ATP2B2: variants seen among roughly 807,000 people sequenced by gnomAD.
ATP2B2 encodes the protein ATPase plasma membrane Ca2+ transporting 2.
ATP2B2 carries 15 observed loss-of-function variants against 120.0 expected under a neutral mutation model. That is an observed-to-expected ratio of 0.12 (90% CI 0.08 to 0.19). The LOEUF is 0.19. ATP2B2 is among the 10% of genes least tolerant of loss of function. ATP2B2 has a pLI of 1.00. For synonymous variants in ATP2B2, 694 were observed against 700.3 expected, an observed-to-expected ratio of 0.99 and a Z score of 0.14; for missense variants, 1,045 against 1,719.8, an observed-to-expected ratio of 0.61 and a Z score of 6.94.
intron 2 of ATP2B2, among the ~76,000 whole-genome samples, chr3:10,425,868 A>G (rs754964987): frequency 6.6e-6 from 1 of 152,154 alleles, no homozygotes; most frequent in African/African-American, 2.4e-5. Flanking sequence ...CCAGAGGGAC[A>G]TTTCAAATGT....
intron 1 of ATP2B2, among the ~76,000 whole-genome samples, chr3:10,647,201 C>G (rs139251694): frequency 1.6e-3 from 250 of 152,118 alleles, no homozygotes; most frequent in African/African-American, 5.6e-3. Flanking sequence ...TAGGTGAAGA[C>G]AAGAAGGCAT....
intron 1 of ATP2B2, among the ~76,000 whole-genome samples, chr3:10,693,102 C>T (rs1489987563): frequency 2.0e-5 from 3 of 152,222 alleles, no homozygotes; most frequent in Non-Finnish European, 4.4e-5. Context: ...GCCTGACACA[C>T]TGTATCGCAA....
intron 2 of ATP2B2, among the ~76,000 whole-genome samples, chr3:10,547,086 G>T (rs560411255): frequency 6.6e-6 from 1 of 152,150 alleles, no homozygotes; most frequent in African/African-American, 2.4e-5. Context: ...TGTGCCCTCC[G>T]AGACTTTACT....
chr3:10,365,740 G>A (rs1222172147), intron 12 of ATP2B2, among the ~76,000 whole-genome samples: 1 of 6,922 alleles, frequency 1.4e-4, no homozygotes, highest in African/African-American at 5.6e-4. Flanking sequence ...GGTGCATGGT[G>A]TGCGTTTGTG....
intron 1 of ATP2B2, among the ~76,000 whole-genome samples, chr3:10,620,699 T>C (rs1370983196): frequency 2.0e-5 from 3 of 152,156 alleles, no homozygotes; most frequent in Admixed American, 6.5e-5. Flanking sequence ...ACCCTGACCC[T>C]GAGGGAGGGA....
chr3:10,649,073 A>C lies in ATP2B2; in HGVS notation c.-459-29112T>G, dbSNP rs554560251. On this transcript the variant is annotated intron_variant, in intron 1 of 21. Transcript: ENST00000646379. ...GCCACTAGCCACATGTGGCCATTTA[A>C]ATTTTTTTATTATTATTATTTATAG... 6.6e-5 allele frequency among the ~76,000 whole-genome samples: 10 copies of C among 152,168 alleles called. No individual in the cohort carries two copies. In the East Asian group the frequency reaches 1.9e-3, roughly 29 times the overall value.
chr3:10,459,713 C>G lies in ATP2B2; in HGVS notation c.-319-9851G>C, dbSNP rs17032917. On this transcript the variant is annotated intron_variant, in intron 1 of 22. Coordinates refer to ENST00000360273, the MANE Select transcript of ATP2B2 (RefSeq NM_001001331.4). ...TTGGAAGAAGAACAAAAAATGATAA[C>G]AGCAACACCAACATCATTCCTGCTA... 2.1e-3 allele frequency among the ~76,000 whole-genome samples: 320 copies of G among 152,388 alleles called. 6 individuals are homozygous for G. In the South Asian group the frequency reaches 0.041, roughly 20 times the overall value.
intron 7 of ATP2B2, 108 bp downstream of exon 7, chr3:10,386,372 C>A: frequency 1.6e-6 from 2 of 1,274,084 alleles, no homozygotes; most frequent in Non-Finnish European, 2.3e-6. Flanking sequence ...CACCCACAGG[C>A]ATGTGGCCTC....
intron 1 of ATP2B2, among the ~76,000 whole-genome samples, chr3:10,503,641 G>A (rs2066483411): frequency 6.6e-6 from 1 of 152,250 alleles, no homozygotes; most frequent in Non-Finnish European, 1.5e-5. Flanking sequence ...CTGTGTGCCT[G>A]TGGCCGTCTT....
intron 1 of ATP2B2, among the ~76,000 whole-genome samples, chr3:10,500,945 C>A (rs1175748020): frequency 6.6e-6 from 1 of 152,240 alleles, no homozygotes; most frequent in African/African-American, 2.4e-5. Context: ...GGGGCAGGAT[C>A]ACTGACCCCT....
intron 2 of ATP2B2, chr3:10,570,518 G>A (rs1275621525): frequency 1.3e-5 from 2 of 152,228 alleles, no homozygotes; most frequent in Non-Finnish European, 2.9e-5. Flanking sequence ...GCCATCATGG[G>A]CTCTACTTGT....
chr3:10,337,651 G>C (rs2060156970), intron 22 of ATP2B2, among the ~76,000 whole-genome samples: 1 of 152,266 alleles, frequency 6.6e-6, no homozygotes, highest in South Asian at 2.1e-4. Flanking sequence ...GTGTCTGTGT[G>C]TGCTTGAGGA....
chr3:10,326,739 T>C lies in ATP2B2; in HGVS notation c.*2075A>G. On this transcript the variant is annotated 3_prime_UTR_variant, in exon 23 of 23. Coordinates refer to ENST00000360273, the MANE Select transcript of ATP2B2 (RefSeq NM_001001331.4). Reference sequence around the variant, plus strand: ...TCACGACATTCAGGTGATGCGCTCTTGAAGGTCCTCCTTCCAGGAGGATTT... The same window carrying C: ...TCACGACATTCAGGTGATGCGCTCTCGAAGGTCCTCCTTCCAGGAGGATTT... 1 of 399,050 alleles carries C rather than the reference T, an allele frequency of 2.5e-6. No homozygotes were observed. Among genetic ancestry groups the C allele is most frequent in the Non-Finnish European group, 4.4e-6 (1 of 226,066 alleles). The allele number at this position is 399,050 out of a possible 1,614,324, so 24.7% of individuals were successfully genotyped here. A position where few individuals can be genotyped will look rare whatever the true frequency, so the allele number is the denominator to read the frequency against.
intron 1 of ATP2B2, among the ~76,000 whole-genome samples, chr3:10,696,518 T>TG (rs1166835188): frequency 6.6e-6 from 1 of 152,186 alleles, no homozygotes; most frequent in Non-Finnish European, 1.5e-5. Flanking sequence ...CCAAATGGCC[T>TG]GGCGCAGGGT....
At chr3:10,613,602 G>A (rs1352258371) in intron 2 of ATP2B2, among the ~76,000 whole-genome samples, 1 of 152,126 alleles carries the variant, frequency 6.6e-6, no homozygotes, top group Non-Finnish European at 1.5e-5. Context: ...CTCACCCCCA[G>A]TGTGAGACTA....
intron 16 of ATP2B2, among the ~76,000 whole-genome samples, chr3:10,348,781 T>C (rs2060497311): frequency 6.6e-6 from 1 of 152,200 alleles, no homozygotes; most frequent in African/African-American, 2.4e-5. Flanking sequence ...ACTTATTCAA[T>C]GCCTGCTGCG....
intron 2 of ATP2B2, among the ~76,000 whole-genome samples, chr3:10,550,339 A>G (rs1330672444): frequency 6.6e-6 from 1 of 152,224 alleles, no homozygotes; most frequent in African/African-American, 2.4e-5. Flanking sequence ...AGAGTGTTTT[A>G]CCTGGCCATG....
intron 2 of ATP2B2, among the ~76,000 whole-genome samples, chr3:10,586,546 G>A (rs774899175): frequency 9.2e-5 from 14 of 152,192 alleles, no homozygotes; most frequent in Admixed American, 3.3e-4. Flanking sequence ...GAGAAGTGAT[G>A]GGATTTGGCA....
chr3:10,660,719 A>G (rs1166367872), intron 1 of ATP2B2, among the ~76,000 whole-genome samples: 1 of 152,250 alleles, frequency 6.6e-6, no homozygotes. Flanking sequence ...ATCAATAGAA[A>G]AAGAGGGAAT....
Sources: allele counts gnomAD v4.1 joint callset (sites outside exome capture counted in the v4.1 genomes callset), GRCh38; gene constraint gnomAD v4.1.1; transcripts MANE v1.5; gene names NCBI Gene and HGNC (gene_info 2026-07-23, HGNC 2026-07-21).